ESPL1: variants seen among roughly 807,000 people sequenced by gnomAD.
ESPL1 encodes extra spindle pole bodies like 1, separase.
ESPL1 carries 50 observed loss-of-function variants against 217.2 expected under a neutral mutation model. The ratio of observed to expected loss-of-function variants is 0.23; its 90% confidence interval spans 0.18 to 0.29. The LOEUF (loss-of-function observed/expected upper bound fraction) is 0.29. Ranked by LOEUF, ESPL1 falls within the 10% of genes least tolerant of loss-of-function variation. ESPL1 has a pLI of 1.00. For missense variants in ESPL1, 1,834 were observed against 2,603.0 expected (o/e 0.70, Z 6.43); for synonymous variants, 994 against 1,081.3 (o/e 0.92, Z 1.58).
intron 9 of ESPL1, 86 bp from the exon 10 acceptor site, chr12:53,277,384 A>G: frequency 6.6e-7 from 1 of 1,524,156 alleles, no homozygotes; most frequent in Non-Finnish European, 8.9e-7. Context: ...GGGCTCCAAC[A>G]ATCCTCCCAC....
chr12:53,268,346 T>C lies in ESPL1; in HGVS notation c.-44T>C. 1 of 182,756 alleles carries C rather than the reference T, an allele frequency of 5.5e-6. No individual in the cohort carries two copies. The highest frequency in any genetic ancestry group is 5.6e-5 in the Admixed American group (1 of 17,932). The allele number at this position is 182,756 out of a possible 1,614,324, so 11.3% of individuals were successfully genotyped here. ...GAGTACTGGTCAGGCGGTTAAGTCC[T>C]GTACCTAGGAAAGAGGGCGAGCTCT... On this transcript the variant is annotated 5_prime_UTR_variant, in exon 1 of 31. Coordinates refer to ENST00000257934, the MANE Select transcript of ESPL1 (RefSeq NM_012291.5).
intron 25 of ESPL1, 56 bp from the exon 26 acceptor site, chr12:53,291,634 T>A: frequency 6.5e-7 from 1 of 1,548,262 alleles, no homozygotes; most frequent in South Asian, 1.2e-5. Flanking sequence ...GACTTAATCC[T>A]TTCCCAGCAG....
At position 53,282,203 on chromosome 12, in the gene ESPL1, C is replaced by G. The variant is rs1286188124; in HGVS notation, c.2620-61C>G. 5 of 1,436,776 alleles carry G rather than the reference C, an allele frequency of 3.5e-6. No homozygotes were observed. In the African/African-American group the frequency reaches 7.0e-5, roughly 20 times the overall value. The allele number at this position is 1,436,776 out of a possible 1,614,324, so 89.0% of individuals were successfully genotyped here. ...GATGGGGCCACGTAATCTCCAGGGC[C>G]TCTCAAGCTCTGGAGTGCCTGACTG... On this transcript the variant is annotated intron_variant, in intron 13 of 30. Transcript: ENST00000257934. This position sits in a 1 kb window ranked among gnomAD's most constrained non-coding sequence, Gnocchi z 4.0.
intron 5 of ESPL1, among the ~76,000 whole-genome samples, chr12:53,271,074 TA>T (rs1360180050): frequency 1.4e-5 from 2 of 143,788 alleles, no homozygotes; most frequent in African/African-American, 5.2e-5. Context: ...CCTTTCAACA[TA>T]TTTTTTTATT....
Position 53,289,241 on chromosome 12 carries a change from C to G in ESPL1, c.4860C>G (p.Val1620=). ...HRDPYATAFL[V]TESVSITCRH... is the part of the protein sequence containing the mutation. ...ATCCTTATGCCACTGCTTTCCTTGT[C>G]ACCGAGTCTGTCTCCATCACCTGTC... The change falls in exon 21 of 31, where the codon GTC becomes GTG. Residue 1620 remains valine (V), a synonymous_variant. Transcript: ENST00000257934. 1.2e-6 allele frequency: 2 copies of G among 1,612,952 alleles called. No homozygotes were observed. Among genetic ancestry groups the G allele is most frequent in the Admixed American group, 3.3e-5 (2 of 60,018 alleles).
chr12:53,288,179 G>A lies in ESPL1; in HGVS notation c.4384G>A (p.Ala1462Thr), dbSNP rs61752572. Residue 1462 changes from alanine (A) to threonine (T), a missense_variant, in exon 19 of 31, where the codon GCA becomes ACA. Ala to Thr is a moderately conservative substitution (Grantham distance 58). Coordinates refer to ENST00000257934, the MANE Select transcript of ESPL1 (RefSeq NM_012291.5). The stretch of plus-strand genomic sequence containing the variant: ...CAGGAGCCGGAGGGCCAAGAAGGTG[G>A]CATCAAGACATTGTGAGGAGCGGCG... Reference protein sequence around the residue: ...NGRSRRAKKVASRHCEERRPQ... With the variant: ...NGRSRRAKKVTSRHCEERRPQ... 1.8e-3 allele frequency: 2,918 copies of A among 1,612,344 alleles called. 23 individuals carry two copies. Among genetic ancestry groups the A allele is most frequent in the African/African-American group, 0.018 (1,315 of 75,060 alleles).
Position 53,292,885 on chromosome 12 carries a change from C to G in ESPL1, c.6076C>G (p.Leu2026Val), listed in dbSNP as rs1405247479. ...LRLSCRAVALLFGCSSAALAV... is the reference protein window; with the variant it reads ...LRLSCRAVALVFGCSSAALAV... The stretch of plus-strand genomic sequence containing the variant: ...GCTGAGCTGTCGGGCAGTGGCCCTG[C>G]TGTTTGGCTGTAGCAGTGCGGCCCT... The change falls in exon 30 of 31, where the codon CTG becomes GTG. Residue 2026 changes from leucine to valine, a missense_variant. Coordinates refer to ENST00000257934, the MANE Select transcript of ESPL1 (RefSeq NM_012291.5). The surrounding 1 kb of genome is among the most constrained non-coding windows in gnomAD (Gnocchi z 4.5). 3.1e-6 allele frequency: 5 copies of G among 1,613,496 alleles called. No homozygotes were observed. The African/African-American group carries it at 4.0e-5, about 13-fold the overall frequency.
At chr12:53,289,684 G>A in intron 22 of ESPL1, 90 bp downstream of exon 22, 1 of 1,087,218 alleles carries the variant, frequency 9.2e-7, no homozygotes, top group Non-Finnish European at 1.3e-6. Context: ...GCATTGGTTA[G>A]TTTACATAGA....
chr12:53,269,309 C>T lies in ESPL1; in HGVS notation c.367C>T (p.Pro123Ser). ...SPEATLRLAQ[P>S]LHACLVQCSR... ...AGAGGCCACACTCCGCCTTGCTCAGCCCCTCCATGCCTGCTTGGTGCAGTG... is the reference window on the plus strand; with the variant it reads ...AGAGGCCACACTCCGCCTTGCTCAGTCCCTCCATGCCTGCTTGGTGCAGTG... Residue 123 changes from proline to serine, a missense_variant, in exon 3 of 31, where the codon CCC (proline) becomes TCC (serine). Pro to Ser is a moderately conservative substitution (Grantham distance 74). Transcript: ENST00000257934. This position sits in a 1 kb window ranked among gnomAD's most constrained non-coding sequence, Gnocchi z 6.7. The T allele has an allele frequency of 1.2e-6, 2 of 1,614,178 alleles. No homozygotes were observed. The highest frequency in any genetic ancestry group is 1.7e-6 in the Non-Finnish European group (2 of 1,180,040).
intron 5 of ESPL1, among the ~76,000 whole-genome samples, chr12:53,271,515 G>T (rs1421757540): frequency 6.6e-6 from 1 of 151,866 alleles, no homozygotes; most frequent in Non-Finnish European, 1.5e-5. Context: ...TAGAAAACTA[G>T]CCAGGCAAGG....
chr12:53,288,771 T>C lies in ESPL1; in HGVS notation c.4708+72T>C. The C allele has an allele frequency of 2.1e-6, 3 of 1,432,232 alleles. No individual in the cohort carries two copies. The Admixed American group carries it at 6.4e-5, about 31-fold the overall frequency. The allele number at this position is 1,432,232 out of a possible 1,614,324, so 88.7% of individuals were successfully genotyped here. A position where few individuals can be genotyped will look rare whatever the true frequency, so the allele number is the denominator to read the frequency against. On this transcript the variant is annotated intron_variant, in intron 20 of 30. Coordinates refer to ENST00000257934, the MANE Select transcript of ESPL1 (RefSeq NM_012291.5). ...TCTAGGGCTTTTGACCCCTCTGTCT[T>C]TCCAGGCTGGGTTCGGATCTGGATC...
Position 53,292,682 on chromosome 12 carries a change from G to T in ESPL1, c.5996+25G>T, listed in dbSNP as rs141283991. 512 of 1,606,036 alleles carry T rather than the reference G, an allele frequency of 3.2e-4. 1 individual carries two copies. In the African/African-American group the frequency reaches 5.6e-3, roughly 18 times the overall value. ...TGTGAGTGCTTAAGGCAGGGATGTG[G>T]GGAGAGGGGCAGTCCTGAGGATGGT... On this transcript the variant is annotated intron_variant, in intron 29 of 30. Transcript: ENST00000257934. This position sits in a 1 kb window ranked among gnomAD's most constrained non-coding sequence, Gnocchi z 4.5.
At position 53,293,307 on chromosome 12, in the gene ESPL1, G is replaced by T; in HGVS notation, c.6196G>T (p.Asp2066Tyr). Residue 2066 changes from aspartate (D) to tyrosine (Y), a missense_variant, in exon 31 of 31, where the codon GAC becomes TAC. Coordinates refer to ENST00000257934, the MANE Select transcript of ESPL1 (RefSeq NM_012291.5). The surrounding 1 kb of genome is among the most constrained non-coding windows in gnomAD (Gnocchi z 4.2). Reference protein sequence around the residue: ...LFLGNLWDVTDRDIDRYTEAL... With the variant: ...LFLGNLWDVTYRDIDRYTEAL... ...TCTGGGTAATCTCTGGGATGTGACTGACCGCGACATTGACCGCTACACGGA... is the reference window on the plus strand; with the variant it reads ...TCTGGGTAATCTCTGGGATGTGACTTACCGCGACATTGACCGCTACACGGA... 1 of 1,614,036 alleles carries T rather than the reference G, an allele frequency of 6.2e-7. No homozygotes were observed. Among genetic ancestry groups the T allele is most frequent in the South Asian group, 1.1e-5 (1 of 91,046 alleles).
chr12:53,281,651 G>A (rs200388093), intron 13 of ESPL1, 25 bp downstream of exon 13: 6 of 1,604,206 alleles, frequency 3.7e-6, no homozygotes, highest in East Asian at 4.5e-5. Context: ...CTTAAACTCC[G>A]AAGGCCCTGG....
Position 53,283,555 on chromosome 12 carries a change from A to G in ESPL1, c.3077+17A>G, listed in dbSNP as rs763965273. On this transcript the variant is annotated intron_variant, in intron 16 of 30. Coordinates refer to ENST00000257934, the MANE Select transcript of ESPL1 (RefSeq NM_012291.5). ...ACCACGCCAGTAAGTACAGGGCCAG[A>G]GGATATGGCAATGATGGCACCAAAG... The G allele has an allele frequency of 6.2e-7, 1 of 1,606,950 alleles. No homozygotes were observed. Among genetic ancestry groups the G allele is most frequent in the South Asian group, 1.1e-5 (1 of 90,284 alleles).
At chr12:53,287,838 G>A in intron 18 of ESPL1, 134 bp from the exon 19 acceptor site, 1 of 843,818 alleles carries the variant, frequency 1.2e-6, no homozygotes. Flanking sequence ...GCTGTCATGT[G>A]AGAAGTTAGT....
At position 53,292,480 on chromosome 12, in the gene ESPL1, C is replaced by T. The variant is rs1254625085; in HGVS notation, c.5912+87C>T. ...GCCTTTTCTCCAGAAACAGCTGTTG[C>T]AGCCCACCTTCTATCTAATGATCCC... On this transcript the variant is annotated intron_variant, in intron 28 of 30. Transcript: ENST00000257934. This position sits in a 1 kb window ranked among gnomAD's most constrained non-coding sequence, Gnocchi z 4.5. 91 of 1,380,408 alleles carry T rather than the reference C, an allele frequency of 6.6e-5. 1 individual carries two copies. The highest frequency in any genetic ancestry group is 6.8e-5 in the Non-Finnish European group (66 of 967,758). 85.5% of individuals were successfully genotyped at this position (1,380,408 alleles called of 1,614,324 possible). A position where few individuals can be genotyped will look rare whatever the true frequency, so the allele number is the denominator to read the frequency against.
At chr12:53,271,296 C>T (rs111564842) in intron 5 of ESPL1, among the ~76,000 whole-genome samples, 2 of 150,960 alleles carry the variant, frequency 1.3e-5, no homozygotes. Context: ...ACCTCAGCCC[C>T]GCAACGAGCT....
rs1367056405 is a variant in ESPL1, at chr12:53,277,895, C to T, written c.2299C>T (p.Arg767Trp). Residue 767 changes from arginine to tryptophan, a missense_variant, in exon 11 of 31, where the codon CGG becomes TGG. Coordinates refer to ENST00000257934, the MANE Select transcript of ESPL1 (RefSeq NM_012291.5). ...LLTKGQAPAV[R>W]CLQQTAASLQ... ...TACAAAGGGGCAGGCCCCAGCTGTA[C>T]GGTGTCTCCAGCAGACAGCAGCCTC... 3 of 1,614,144 alleles carry T rather than the reference C, an allele frequency of 1.9e-6. No homozygotes were observed. Among genetic ancestry groups the T allele is most frequent in the Non-Finnish European group, 1.7e-6 (2 of 1,180,014 alleles).
Sources: gnomAD v4.1 joint callset for allele counts (sites outside exome capture counted in the v4.1 genomes callset) on GRCh38, gnomAD v4.1.1 for gene constraint, Gnocchi (gnomAD v3.1) non-coding constraint, MANE v1.5 for transcripts, NCBI Gene and HGNC (gene_info 2026-07-23, HGNC 2026-07-21) for gene names.